ZFAND3: variants seen among roughly 807,000 people sequenced by gnomAD.
ZFAND3 encodes AN1-type zinc finger protein 3.
ZFAND3 carries 10 observed loss-of-function variants against 29.6 expected under a neutral mutation model. The observed-to-expected ratio is 0.34, with a 90% CI of 0.21 to 0.57. ZFAND3 has a LOEUF of 0.57. ZFAND3 is among the 20% of genes least tolerant of loss of function. ZFAND3 has a pLI of 0.86. For missense variants in ZFAND3, 230 were observed against 304.5 expected (o/e 0.76, Z 1.82); for synonymous variants, 128 against 112.6 (o/e 1.14, Z -0.87).
chr6:38,151,392 G>A (rs898262632), intron 5 of ZFAND3, among the ~76,000 whole-genome samples: 3 of 152,162 alleles, frequency 2.0e-5, no homozygotes, highest in Admixed American at 6.5e-5. Flanking sequence ...GGAGGCCTGA[G>A]TGTGGGCATC....
chr6:38,045,126 G>T (rs562665659), intron 2 of ZFAND3, among the ~76,000 whole-genome samples: 3 of 147,314 alleles, frequency 2.0e-5, no homozygotes, highest in South Asian at 2.1e-4. Context: ...TCACTCTGTC[G>T]CCCAGACTGG....
intron 2 of ZFAND3, 94 bp from the exon 3 acceptor site, chr6:38,061,499 T>G (rs911627936): frequency 6.3e-5 from 91 of 1,436,674 alleles, no homozygotes; most frequent in South Asian, 1.6e-4. Context: ...ATTATTGGTG[T>G]TGTTGCATTT....
chr6:38,035,043 A>G (rs759918551), intron 2 of ZFAND3, among the ~76,000 whole-genome samples: 18 of 151,980 alleles, frequency 1.2e-4, no homozygotes, highest in Middle Eastern at 3.2e-3. Context: ...GGCCTAGTGT[A>G]AAGTTGATTT....
chr6:37,953,583 C>A (rs971412353), intron 2 of ZFAND3, among the ~76,000 whole-genome samples: 3 of 151,042 alleles, frequency 2.0e-5, no homozygotes, highest in Admixed American at 6.6e-5. Flanking sequence ...CTTCGAATAA[C>A]TGGGACTCAG....
rs62396979 is a variant in ZFAND3 at position 38,039,586 on chromosome 6, G to A, written c.113-22007G>A. Among the ~76,000 whole-genome samples, 400 of 152,220 alleles carry A rather than the reference G, an allele frequency of 2.6e-3. 1 individual carries two copies. Among genetic ancestry groups the A allele is most frequent in the Non-Finnish European group, 4.4e-3 (298 of 67,986 alleles). On this transcript the variant is annotated intron_variant, in intron 2 of 5. Transcript: ENST00000287218. ...TGTCAGCATGGATATACATAAAAAC[G>A]AATTGAGGAAAAGCTAGTTATAGTG... is the stretch of plus-strand genomic sequence containing the variant.
At chr6:37,912,210 A>G (rs773863758) in intron 1 of ZFAND3, among the ~76,000 whole-genome samples, 17 of 152,114 alleles carry the variant, frequency 1.1e-4, no homozygotes, top group Non-Finnish European at 2.2e-4. Flanking sequence ...GAGGGGGACC[A>G]TGCACTCTGA....
chr6:37,918,583 A>T (rs527745776), intron 1 of ZFAND3, among the ~76,000 whole-genome samples: 1 of 152,342 alleles, frequency 6.6e-6, no homozygotes, highest in Admixed American at 6.5e-5. Context: ...CATTAAAATT[A>T]TCATGCCTTT....
intron 1 of ZFAND3, among the ~76,000 whole-genome samples, chr6:37,820,464 G>A (rs1213542706): frequency 6.6e-6 from 1 of 152,160 alleles, no homozygotes; most frequent in Non-Finnish European, 1.5e-5. Flanking sequence ...CCTCCTCCCC[G>A]TCCTCCGGAG....
chr6:38,035,569 G>C (rs1763642038), intron 2 of ZFAND3, among the ~76,000 whole-genome samples: 1 of 152,144 alleles, frequency 6.6e-6, no homozygotes, highest in South Asian at 2.1e-4. Flanking sequence ...AGTAAACTTA[G>C]GTTGCTTAAT....
chr6:38,114,326 G>C (rs1485193634), intron 4 of ZFAND3, among the ~76,000 whole-genome samples: 2 of 152,216 alleles, frequency 1.3e-5, no homozygotes, highest in African/African-American at 4.8e-5. Context: ...TCAGCTGACT[G>C]CTTTGTAATG....
chr6:37,894,846 A>C (rs1048319654), intron 1 of ZFAND3, among the ~76,000 whole-genome samples: 1 of 152,198 alleles, frequency 6.6e-6, no homozygotes, highest in African/African-American at 2.4e-5. Context: ...TTAGCATGCA[A>C]CATCTCTAAT....
At chr6:38,146,453 C>A (rs1014812596) in intron 5 of ZFAND3, among the ~76,000 whole-genome samples, 1 of 152,144 alleles carries the variant, frequency 6.6e-6, no homozygotes, top group Non-Finnish European at 1.5e-5. Context: ...CCTTTGAAAT[C>A]GAGGGCTCAT....
At chr6:37,910,916 A>T (rs1765509038) in intron 1 of ZFAND3, among the ~76,000 whole-genome samples, 2 of 152,200 alleles carry the variant, frequency 1.3e-5, no homozygotes, top group South Asian at 2.1e-4. Flanking sequence ...CGTTGTGTTT[A>T]TATGTCACAT....
At chr6:38,106,710 T>G (rs1214412382) in intron 4 of ZFAND3, among the ~76,000 whole-genome samples, 1 of 152,172 alleles carries the variant, frequency 6.6e-6, no homozygotes, top group Non-Finnish European at 1.5e-5. Context: ...TATATGTGTA[T>G]GTGTATATCT....
chr6:38,029,130 A>T (rs2127450616), intron 2 of ZFAND3, among the ~76,000 whole-genome samples: 1 of 152,340 alleles, frequency 6.6e-6, no homozygotes, highest in African/African-American at 2.4e-5. Flanking sequence ...TGATAAAATG[A>T]AAGTTTGTAG....
At chr6:37,955,293 G>T (rs1380853759) in intron 2 of ZFAND3, among the ~76,000 whole-genome samples, 1 of 152,108 alleles carries the variant, frequency 6.6e-6, no homozygotes, top group Non-Finnish European at 1.5e-5. Context: ...GCTAGAAGTG[G>T]AAGTCCTCCA....
At chr6:37,837,232 T>C (rs1763984054) in intron 1 of ZFAND3, among the ~76,000 whole-genome samples, 2 of 152,188 alleles carry the variant, frequency 1.3e-5, no homozygotes, top group South Asian at 4.1e-4. Flanking sequence ...TGGTTTATGC[T>C]ATTTTATTCA....
At chr6:37,952,377 G>A (rs1324355550) in intron 2 of ZFAND3, among the ~76,000 whole-genome samples, 2 of 151,932 alleles carry the variant, frequency 1.3e-5, no homozygotes, top group African/African-American at 2.4e-5. Flanking sequence ...ATTCAATTTC[G>A]GAACTTGATA....
chr6:38,111,438 T>C (rs964888885), intron 4 of ZFAND3, among the ~76,000 whole-genome samples: 1 of 152,216 alleles, frequency 6.6e-6, no homozygotes, highest in African/African-American at 2.4e-5. Flanking sequence ...CAGTTGATGC[T>C]TGAACAACAT....
Sources: gnomAD v4.1 joint callset for allele counts (sites outside exome capture counted in the v4.1 genomes callset) on GRCh38, gnomAD v4.1.1 for gene constraint, MANE v1.5 for transcripts, NCBI Gene and HGNC (gene_info 2026-07-23, HGNC 2026-07-21) for gene names.